AGBL4: variants seen among roughly 807,000 people sequenced by gnomAD.
AGBL4 encodes the protein AGBL carboxypeptidase 4, also known as cytosolic carboxypeptidase 6.
A neutral mutation model predicts 66.4 loss-of-function variants in AGBL4; 58 were observed. The observed-to-expected ratio is 0.87, with a 90% CI of 0.71 to 1.09. The LOEUF is 1.09. AGBL4 is among the 50% of genes least tolerant of loss of function. The pLI is 0.00. For synonymous variants in AGBL4, 234 were observed against 222.9 expected (o/e 1.05, Z -0.44); for missense variants, 579 against 631.0 (o/e 0.92, Z 0.88).
chr1:49,028,910 T>G (rs1663957894), intron 5 of AGBL4, among the ~76,000 whole-genome samples: 1 of 152,116 alleles, frequency 6.6e-6, no homozygotes, highest in African/African-American at 2.4e-5. Context: ...GTTTAATATC[T>G]GAAAATCAAT....
intron 1 of AGBL4, among the ~76,000 whole-genome samples, chr1:49,854,707 C>G (rs568882443): frequency 2.0e-5 from 3 of 152,270 alleles, no homozygotes; most frequent in African/African-American, 7.2e-5. Context: ...CTGGACCCAG[C>G]AATACATCTG....
chr1:49,832,978 G>A (rs1645736959), intron 2 of AGBL4, among the ~76,000 whole-genome samples: 1 of 151,800 alleles, frequency 6.6e-6, no homozygotes, highest in Non-Finnish European at 1.5e-5. Flanking sequence ...CTTTTGCTGT[G>A]CAGAAGCTCT....
intron 4 of AGBL4, among the ~76,000 whole-genome samples, chr1:49,157,869 G>A (rs954575105): frequency 2.6e-5 from 4 of 152,062 alleles, no homozygotes; most frequent in South Asian, 2.1e-4. Flanking sequence ...TTAGCTGCAC[G>A]TATATGTTCT....
chr1:49,540,046 G>C (rs553746480), intron 3 of AGBL4, among the ~76,000 whole-genome samples: 3 of 152,164 alleles, frequency 2.0e-5, no homozygotes, highest in Admixed American at 1.3e-4. Flanking sequence ...GCCCAGAGGG[G>C]AAGAAAAGTT....
At chr1:49,118,855 A>T (rs1363854548) in intron 4 of AGBL4, among the ~76,000 whole-genome samples, 2 of 152,274 alleles carry the variant, frequency 1.3e-5, no homozygotes. Context: ...TAGGCTATTA[A>T]TTATTGCCTC....
At chr1:49,956,091 T>C (rs1224466327) in intron 1 of AGBL4, among the ~76,000 whole-genome samples, 1 of 151,892 alleles carries the variant, frequency 6.6e-6, no homozygotes, top group Non-Finnish European at 1.5e-5. Flanking sequence ...TTTTTCCTCT[T>C]CCTCAAAGCA....
intron 3 of AGBL4, among the ~76,000 whole-genome samples, chr1:49,358,528 T>A (rs1342992429): frequency 2.6e-5 from 4 of 152,192 alleles, no homozygotes; most frequent in Admixed American, 6.5e-5. Flanking sequence ...CAGCCAGACT[T>A]TATTTGTCTG....
At chr1:49,591,314 G>A (rs368060333) in intron 3 of AGBL4, among the ~76,000 whole-genome samples, 1 of 150,872 alleles carries the variant, frequency 6.6e-6, no homozygotes, top group Non-Finnish European at 1.5e-5. Context: ...ATCACAATGG[G>A]GAATGAAAGA....
At chr1:49,555,117 T>C (rs540852383) in intron 3 of AGBL4, among the ~76,000 whole-genome samples, 1 of 152,312 alleles carries the variant, frequency 6.6e-6, no homozygotes, top group Non-Finnish European at 1.5e-5. Flanking sequence ...CCCACTCACA[T>C]CCCGCTGATT....
chr1:48,581,403 A>G (rs1177713794), intron 11 of AGBL4, among the ~76,000 whole-genome samples: 1 of 152,188 alleles, frequency 6.6e-6, no homozygotes, highest in Non-Finnish European at 1.5e-5. Flanking sequence ...CTGGGTGGAA[A>G]CCAGTCTGCT....
intron 8 of AGBL4, among the ~76,000 whole-genome samples, chr1:48,637,064 T>C (rs1418810521): frequency 6.6e-6 from 1 of 152,218 alleles, no homozygotes; most frequent in Non-Finnish European, 1.5e-5. Flanking sequence ...AGGAAGAAGA[T>C]ATGCTTACAG....
intron 2 of AGBL4, among the ~76,000 whole-genome samples, chr1:49,779,933 A>G (rs1355050121): frequency 8.5e-6 from 1 of 117,890 alleles, no homozygotes; most frequent in African/African-American, 2.5e-5. Flanking sequence ...TATCAAAAGC[A>G]GAAAAAAAAA....
intron 3 of AGBL4, among the ~76,000 whole-genome samples, chr1:49,329,953 A>G (rs1645300340): frequency 6.6e-6 from 1 of 152,220 alleles, no homozygotes; most frequent in Non-Finnish European, 1.5e-5. Flanking sequence ...CTGCATCTGC[A>G]GTGCTCTGCT....
At chr1:49,155,323 G>A (rs971082553) in intron 4 of AGBL4, among the ~76,000 whole-genome samples, 1 of 152,014 alleles carries the variant, frequency 6.6e-6, no homozygotes, top group Non-Finnish European at 1.5e-5. Flanking sequence ...TCTAAACCAG[G>A]GTGCCTCATA....
At chr1:49,204,532 G>A (rs922166456) in intron 4 of AGBL4, among the ~76,000 whole-genome samples, 2 of 152,024 alleles carry the variant, frequency 1.3e-5, no homozygotes, top group African/African-American at 2.4e-5. Flanking sequence ...CTCCCACTTT[G>A]GCCTCCCAAA....
chr1:48,551,622 C>T (rs918957195), intron 11 of AGBL4, among the ~76,000 whole-genome samples: 2 of 151,974 alleles, frequency 1.3e-5, no homozygotes, highest in African/African-American at 4.8e-5. Flanking sequence ...GAGACAGAGA[C>T]GGGGAGAGAT....
At chr1:49,792,554 C>A (rs1420114967) in intron 2 of AGBL4, among the ~76,000 whole-genome samples, 1 of 152,094 alleles carries the variant, frequency 6.6e-6, no homozygotes, top group African/African-American at 2.4e-5. Flanking sequence ...CAGAAAACTA[C>A]TGAAAGCCAG....
intron 5 of AGBL4, among the ~76,000 whole-genome samples, chr1:48,911,501 T>C (rs1397689155): frequency 6.6e-6 from 1 of 151,562 alleles, no homozygotes; most frequent in Non-Finnish European, 1.5e-5. Context: ...GTGCCTGTAG[T>C]CCCAGCTACT....
chr1:49,644,341 T>C (rs1484080497), intron 3 of AGBL4, among the ~76,000 whole-genome samples: 1 of 151,496 alleles, frequency 6.6e-6, no homozygotes, highest in East Asian at 1.9e-4. Flanking sequence ...CCAAACACTC[T>C]AACTAAAAGG....
Sources: allele counts gnomAD v4.1 joint callset (sites outside exome capture counted in the v4.1 genomes callset), GRCh38; gene constraint gnomAD v4.1.1; transcripts MANE v1.5; gene names NCBI Gene and HGNC (gene_info 2026-07-23, HGNC 2026-07-21).